The following EPHA7 variants were observed in gnomAD, a reference collection of about 807,000 sequenced individuals.
EPHA7 encodes EPH receptor A7, also known as ephrin type-A receptor 7.
EPHA7 carries 25 observed loss-of-function variants against 112.6 expected under a neutral mutation model. The observed-to-expected ratio is 0.22, with a 90% CI of 0.16 to 0.31. EPHA7 has a LOEUF of 0.31. EPHA7 is among the 10% of genes least tolerant of loss of function. The pLI is 1.00. For synonymous variants in EPHA7, 437 were observed against 406.5 expected, an observed-to-expected ratio of 1.07 and a Z score of -0.90; for missense variants, 962 against 1,212.6, an observed-to-expected ratio of 0.79 and a Z score of 3.07.
At chr6:93,275,421 T>A (rs1384316326) in intron 5 of EPHA7, among the ~76,000 whole-genome samples, 1 of 151,940 alleles carries the variant, frequency 6.6e-6, no homozygotes, top group Non-Finnish European at 1.5e-5. Flanking sequence ...TCACTAGAGT[T>A]TCTAGAAGTA....
intron 5 of EPHA7, among the ~76,000 whole-genome samples, chr6:93,292,951 A>C (rs1274402947): frequency 1.3e-5 from 2 of 152,174 alleles, no homozygotes; most frequent in Non-Finnish European, 2.9e-5. Context: ...ATCTGTGGGC[A>C]CAAAGAGGGT....
chr6:93,277,560 G>A (rs528694031), intron 5 of EPHA7, among the ~76,000 whole-genome samples: 11 of 151,896 alleles, frequency 7.2e-5, no homozygotes, highest in African/African-American at 2.2e-4. Context: ...TGTGATAGAC[G>A]TCTGTCAAAT....
intron 5 of EPHA7, among the ~76,000 whole-genome samples, chr6:93,296,186 G>A (rs911354024): frequency 6.6e-6 from 1 of 150,822 alleles, no homozygotes; most frequent in Non-Finnish European, 1.5e-5. Context: ...TTTCACTTTG[G>A]TGGGAACACA....
chr6:93,257,163 CA>C (rs1770477569), intron 12 of EPHA7, among the ~76,000 whole-genome samples: 1 of 152,030 alleles, frequency 6.6e-6, no homozygotes, highest in African/African-American at 2.4e-5. Context: ...ATTTCATTTA[CA>C]ATTGTATATA....
At chr6:93,348,466 T>A (rs2127933197) in intron 5 of EPHA7, among the ~76,000 whole-genome samples, 1 of 151,974 alleles carries the variant, frequency 6.6e-6, no homozygotes, top group Admixed American at 6.6e-5. Context: ...TATAAATTAA[T>A]TATATTTTCA....
intron 5 of EPHA7, among the ~76,000 whole-genome samples, chr6:93,301,092 C>T (rs1245009579): frequency 1.3e-5 from 2 of 152,090 alleles, no homozygotes; most frequent in Non-Finnish European, 2.9e-5. Context: ...CTGTCCTTGA[C>T]CAAAATGTCA....
At chr6:93,317,064 C>T (rs1773851729) in intron 5 of EPHA7, among the ~76,000 whole-genome samples, 1 of 152,136 alleles carries the variant, frequency 6.6e-6, no homozygotes, top group South Asian at 2.1e-4. Context: ...ACATGCTCAA[C>T]ATTTTGGATT....
intron 3 of EPHA7, among the ~76,000 whole-genome samples, chr6:93,401,635 CT>C (rs1409793946): frequency 6.6e-6 from 1 of 152,156 alleles, no homozygotes; most frequent in East Asian, 1.9e-4. Flanking sequence ...TGACCTTCTA[CT>C]TTTCACATAT....
chr6:93,326,722 G>A (rs531809184), intron 5 of EPHA7, among the ~76,000 whole-genome samples: 2 of 120,454 alleles, frequency 1.7e-5, no homozygotes, highest in South Asian at 2.3e-4. Context: ...TCTGTGAACA[G>A]AGGAATCTTG....
Position 93,255,946 on chromosome 6 carries a change from A to T in EPHA7, c.2264T>A (p.Val755Asp). The change falls in exon 13 of 17, where the codon GTT (valine) becomes GAT (aspartate). Residue 755 changes from valine (V) to aspartate (D), a missense_variant. This residue lies in a region of EPHA7 where 746 missense variants were observed against 889.2 expected (regional missense o/e 0.84). Coordinates refer to ENST00000369303, the MANE Select transcript of EPHA7 (RefSeq NM_004440.4). ...GMRYLADMGY[V>D]HRDLAARNIL... ...ATTGCGAGCTGCAAGGTCCCTGTGA[A>T]CATATCCCATATCAGCCAAATATCT... The T allele has an allele frequency of 6.2e-7, 1 of 1,614,098 alleles. No individual in the cohort carries two copies. The highest frequency in any genetic ancestry group is 1.7e-4 in the Middle Eastern group (1 of 6,060).
chr6:93,299,801 G>T (rs536145061), intron 5 of EPHA7, among the ~76,000 whole-genome samples: 1 of 152,320 alleles, frequency 6.6e-6, no homozygotes, highest in South Asian at 2.1e-4. Flanking sequence ...CCGTAAAAAA[G>T]AATGAGATCA....
chr6:93,259,622 A>G, intron 9 of EPHA7, 143 bp from the exon 10 acceptor site: 1 of 910,518 alleles, frequency 1.1e-6, no homozygotes, highest in African/African-American at 1.7e-5. Flanking sequence ...TTAACAGACT[A>G]CTTCAGTCTG....
chr6:93,293,076 G>A (rs1772465859), intron 5 of EPHA7, among the ~76,000 whole-genome samples: 1 of 151,820 alleles, frequency 6.6e-6, no homozygotes, highest in Admixed American at 6.6e-5. Flanking sequence ...CTAATATTAA[G>A]TTAAAGATTT....
chr6:93,243,098 T>C lies in EPHA7; in HGVS notation c.*328A>G, dbSNP rs1280974274. On this transcript the variant is annotated 3_prime_UTR_variant, in exon 17 of 17. Transcript: ENST00000369303. ...TCATGATTTTATTTGACAAATATAT[T>C]CTTTCTTAAATTCTTTATGTACATT... The C allele has an allele frequency of 4.1e-6, 1 of 244,178 alleles. No individual in the cohort carries two copies. Among genetic ancestry groups the C allele is most frequent in the Non-Finnish European group, 7.9e-6 (1 of 125,966 alleles). 15.1% of individuals were successfully genotyped at this position (244,178 alleles called of 1,614,324 possible).
chr6:93,329,316 G>GT (rs781043311), intron 5 of EPHA7, among the ~76,000 whole-genome samples: 68 of 151,488 alleles, frequency 4.5e-4, no homozygotes, highest in Non-Finnish European at 9.0e-4. Flanking sequence ...TAACTGAAAT[G>GT]TTTAATTGCT....
intron 5 of EPHA7, among the ~76,000 whole-genome samples, chr6:93,341,972 C>T (rs1775160654): frequency 6.6e-6 from 1 of 151,800 alleles, no homozygotes; most frequent in African/African-American, 2.4e-5. Flanking sequence ...TCTTTCAGGG[C>T]CTGCCTGGTG....
rs149423536 is a variant in EPHA7, at chr6:93,325,421, G to A, written c.1324+31296C>T. Among the ~76,000 whole-genome samples, 624 of 151,148 alleles carry A rather than the reference G, an allele frequency of 4.1e-3. 8 individuals carry two copies. The highest frequency in any genetic ancestry group is 3.4e-3 in the Middle Eastern group (1 of 294). On this transcript the variant is annotated intron_variant, in intron 5 of 16. Transcript: ENST00000369303. ...ATAATATAGGCCAAACCAGTGATGC[G>A]CAAGTGACTTAAAATAAATATCTTC...
At chr6:93,274,097 C>G (rs1438222004) in intron 5 of EPHA7, among the ~76,000 whole-genome samples, 2 of 151,926 alleles carry the variant, frequency 1.3e-5, no homozygotes, top group Non-Finnish European at 2.9e-5. Context: ...CAGAGTTTAC[C>G]ATTTATGTGT....
At chr6:93,271,013 C>G (rs1048965110) in intron 6 of EPHA7, among the ~76,000 whole-genome samples, 3 of 151,744 alleles carry the variant, frequency 2.0e-5, no homozygotes, top group South Asian at 4.1e-4. Context: ...AAACTTTACT[C>G]TTACCACCTA....
Sources: allele counts gnomAD v4.1 joint callset (sites outside exome capture counted in the v4.1 genomes callset), GRCh38; gene constraint gnomAD v4.1.1; regional missense constraint gnomAD v4.1.1; transcripts MANE v1.5; gene names NCBI Gene and HGNC (gene_info 2026-07-23, HGNC 2026-07-21).